The following IQCM variants were observed in gnomAD, a reference collection of about 807,000 sequenced individuals.
The protein encoded by IQCM is IQ domain-containing protein M.
In IQCM, 45 loss-of-function variants were observed where a neutral mutation model predicts 57.6. The ratio of observed to expected loss-of-function variants is 0.78; its 90% confidence interval spans 0.62 to 1.00. The LOEUF (loss-of-function observed/expected upper bound fraction) is 1.00. Among genes scored for constraint, IQCM ranks in the 50% least tolerant of loss-of-function variants. The pLI is 0.00. For synonymous variants in IQCM, 148 were observed against 158.9 expected (o/e 0.93, Z 0.51); for missense variants, 468 against 511.6 (o/e 0.91, Z 0.82).
At chr4:149,397,059 C>T (rs187244065) in intron 13 of IQCM, among the ~76,000 whole-genome samples, 5 of 151,952 alleles carry the variant, frequency 3.3e-5, no homozygotes, top group Middle Eastern at 6.8e-3. Flanking sequence ...GGTTATATAC[C>T]TAGAAATAGG....
chr4:149,394,757 T>C (rs1317247124), intron 13 of IQCM, among the ~76,000 whole-genome samples: 1 of 151,998 alleles, frequency 6.6e-6, no homozygotes, highest in African/African-American at 2.4e-5. Context: ...ACAGTAGCAA[T>C]TACATCACAC....
intron 9 of IQCM, among the ~76,000 whole-genome samples, chr4:149,579,000 CT>C (rs1416695344): frequency 6.6e-6 from 1 of 151,864 alleles, no homozygotes; most frequent in Non-Finnish European, 1.5e-5. Context: ...AATTGCATAT[CT>C]GATTTTCCCT....
chr4:149,603,858 A>T (rs369000874), intron 8 of IQCM, among the ~76,000 whole-genome samples: 42 of 152,178 alleles, frequency 2.8e-4, no homozygotes, highest in African/African-American at 8.9e-4. Context: ...TCTTCTTAAT[A>T]TTATAGCTGT....
chr4:149,431,695 T>C (rs1461865160), intron 13 of IQCM, among the ~76,000 whole-genome samples: 2 of 151,930 alleles, frequency 1.3e-5, no homozygotes, highest in East Asian at 1.9e-4. Flanking sequence ...TTTGTTCCCA[T>C]AGGTTTGCTT....
At chr4:149,494,747 T>C (rs1742471978) in intron 12 of IQCM, among the ~76,000 whole-genome samples, 1 of 152,070 alleles carries the variant, frequency 6.6e-6, no homozygotes, top group South Asian at 2.1e-4. Flanking sequence ...AAGATGAGAC[T>C]GGAGAAGCAG....
chr4:149,735,295 G>C, intron 4 of IQCM, 81 bp downstream of exon 4: 2 of 564,408 alleles, frequency 3.5e-6, no homozygotes, highest in Non-Finnish European at 5.3e-6. Flanking sequence ...CATATCTTAG[G>C]GTTTATGCAA....
chr4:149,667,577 A>C (rs140768196), intron 7 of IQCM, among the ~76,000 whole-genome samples: 2 of 152,076 alleles, frequency 1.3e-5, no homozygotes. Context: ...ACAGAGAATG[A>C]ATTTAACAAA....
chr4:149,813,709 T>G (rs1203202504), intron 2 of IQCM, among the ~76,000 whole-genome samples: 1 of 152,104 alleles, frequency 6.6e-6, no homozygotes, highest in East Asian at 1.9e-4. Context: ...AATCTAAGCA[T>G]CTTTATATTG....
At chr4:149,738,536 G>C (rs139112823) in intron 3 of IQCM, among the ~76,000 whole-genome samples, 153 of 152,204 alleles carry the variant, frequency 1.0e-3, no homozygotes, top group African/African-American at 3.5e-3. Flanking sequence ...CTCTAGTAGC[G>C]CTAATGGCCT....
At chr4:149,358,598 T>C (rs973426131) in intron 13 of IQCM, among the ~76,000 whole-genome samples, 3 of 152,216 alleles carry the variant, frequency 2.0e-5, no homozygotes, top group African/African-American at 4.8e-5. Flanking sequence ...TATGGCAGAA[T>C]AGACTCAGAG....
intron 2 of IQCM, among the ~76,000 whole-genome samples, chr4:149,777,069 G>A (rs1041818395): frequency 2.0e-5 from 3 of 152,028 alleles, no homozygotes. Flanking sequence ...CACCTCTAAA[G>A]TACCTGGTTT....
intron 13 of IQCM, among the ~76,000 whole-genome samples, chr4:149,367,294 A>G (rs1729911978): frequency 6.6e-6 from 1 of 152,024 alleles, no homozygotes; most frequent in South Asian, 2.1e-4. Context: ...TACAAACAAA[A>G]CACCAGTAAT....
At chr4:149,445,183 G>A (rs1359271890) in intron 12 of IQCM, among the ~76,000 whole-genome samples, 1 of 151,748 alleles carries the variant, frequency 6.6e-6, no homozygotes, top group African/African-American at 2.4e-5. Flanking sequence ...CTGAACATTA[G>A]TGTGGTCTTC....
intron 5 of IQCM, among the ~76,000 whole-genome samples, chr4:149,697,601 T>C (rs1361204052): frequency 6.6e-6 from 1 of 152,120 alleles, no homozygotes; most frequent in Non-Finnish European, 1.5e-5. Context: ...CTTCTTGTCC[T>C]TCAGATCTCA....
chr4:149,669,672 T>A (rs1053989499), intron 7 of IQCM, among the ~76,000 whole-genome samples: 3 of 152,176 alleles, frequency 2.0e-5, no homozygotes, highest in African/African-American at 4.8e-5. Flanking sequence ...AAGGAAGGGA[T>A]CCAGTTTCAG....
intron 8 of IQCM, among the ~76,000 whole-genome samples, chr4:149,594,661 G>T (rs1235180234): frequency 6.6e-6 from 1 of 152,090 alleles, no homozygotes; most frequent in African/African-American, 2.4e-5. Flanking sequence ...TTGTGTCTTT[G>T]TTCTCATTAG....
chr4:149,776,064 T>C (rs1771059890), intron 2 of IQCM, among the ~76,000 whole-genome samples: 2 of 152,208 alleles, frequency 1.3e-5, no homozygotes, highest in South Asian at 4.1e-4. Flanking sequence ...ACACAAGAGT[T>C]TAAGGCTACA....
At chr4:149,366,782 G>A (rs983285517) in intron 13 of IQCM, among the ~76,000 whole-genome samples, 1 of 151,676 alleles carries the variant, frequency 6.6e-6, no homozygotes, top group Admixed American at 6.6e-5. Flanking sequence ...TGGTTTGATG[G>A]GTGAATGGCA....
chr4:149,472,424 G>A (rs1739671592), intron 12 of IQCM, among the ~76,000 whole-genome samples: 1 of 152,224 alleles, frequency 6.6e-6, no homozygotes, highest in Admixed American at 6.5e-5. Context: ...GGGATGTGAA[G>A]GACTTCTTCA....
Sources: gnomAD v4.1 joint callset for allele counts (sites outside exome capture counted in the v4.1 genomes callset) on GRCh38, gnomAD v4.1.1 for gene constraint, MANE v1.5 for transcripts, NCBI Gene and HGNC (gene_info 2026-07-23, HGNC 2026-07-21) for gene names.